CFAP61: variants seen among roughly 807,000 people sequenced by gnomAD.
CFAP61 encodes the protein cilia- and flagella-associated protein 61.
In CFAP61, 107 loss-of-function variants were observed where a neutral mutation model predicts 135.6. That is an observed-to-expected ratio of 0.79 (90% confidence interval 0.67 to 0.93). CFAP61 has a LOEUF of 0.93. CFAP61 is among the 40% of genes least tolerant of loss of function. CFAP61 has a pLI of 0.00. For missense variants in CFAP61, 1,507 were observed against 1,556.2 expected (o/e 0.97, Z 0.53); for synonymous variants, 575 against 578.5 (o/e 0.99, Z 0.09).
chr20:20,187,042 T>C lies in CFAP61; in HGVS notation c.1386-888T>C, dbSNP rs2055553540. ...TTGCAACCTCTGCACCAGGATGCACTGAACACCTGGGTGGGGGATGGGTAG... is the reference window on the plus strand; with the variant it reads ...TTGCAACCTCTGCACCAGGATGCACCGAACACCTGGGTGGGGGATGGGTAG... On this transcript the variant is annotated intron_variant, in intron 13 of 26. Transcript: ENST00000245957. Among the ~76,000 whole-genome samples, 3 of 152,170 alleles carry C rather than the reference T, an allele frequency of 2.0e-5. 1 individual carries two copies. The South Asian group carries it at 6.2e-4, about 32-fold the overall frequency.
At chr20:20,358,650 G>A (rs921845897) in intron 26 of CFAP61, among the ~76,000 whole-genome samples, 1 of 152,132 alleles carries the variant, frequency 6.6e-6, no homozygotes, top group African/African-American at 2.4e-5. Context: ...TGCCTTTATT[G>A]CTCTAGTTTA....
intron 12 of CFAP61, among the ~76,000 whole-genome samples, chr20:20,168,287 T>A (rs2053976445): frequency 6.6e-6 from 1 of 152,134 alleles, no homozygotes; most frequent in Non-Finnish European, 1.5e-5. Flanking sequence ...GGGCTCGAAC[T>A]CCTGGGCTCA....
At chr20:20,135,212 C>A (rs1228363119) in intron 8 of CFAP61, among the ~76,000 whole-genome samples, 2 of 152,166 alleles carry the variant, frequency 1.3e-5, no homozygotes, top group East Asian at 3.8e-4. Flanking sequence ...AACAGATTCT[C>A]CCCTAGAGCC....
chr20:20,245,404 A>AGCAGGCAAAGAGAGAGCTTGT (rs2050369367), intron 18 of CFAP61, among the ~76,000 whole-genome samples: 2 of 152,224 alleles, frequency 1.3e-5, no homozygotes, highest in Admixed American at 6.5e-5. Flanking sequence ...TATGGATGGC[A>AGCAGGCAAAGAGAGAGCTTGT]GCAGGCAAAG....
chr20:20,154,686 C>T (rs1346243964), intron 9 of CFAP61, among the ~76,000 whole-genome samples: 1 of 150,576 alleles, frequency 6.6e-6, no homozygotes, highest in African/African-American at 2.4e-5. Context: ...CTTAAAAAAA[C>T]AAACAAAAAA....
intron 18 of CFAP61, among the ~76,000 whole-genome samples, chr20:20,242,190 G>T (rs2050061914): frequency 6.6e-6 from 1 of 152,224 alleles, no homozygotes; most frequent in Non-Finnish European, 1.5e-5. Context: ...CTTCTCATGG[G>T]AAAGGAGGGC....
chr20:20,113,258 A>G (rs1384960978), intron 8 of CFAP61, among the ~76,000 whole-genome samples: 1 of 152,182 alleles, frequency 6.6e-6, no homozygotes, highest in Non-Finnish European at 1.5e-5. Flanking sequence ...AAAATTTCCC[A>G]GTTCACTGTG....
At chr20:20,278,761 A>T (rs1186494076) in intron 22 of CFAP61, among the ~76,000 whole-genome samples, 1 of 152,172 alleles carries the variant, frequency 6.6e-6, no homozygotes, top group African/African-American at 2.4e-5. Flanking sequence ...AAAAAGACTA[A>T]AAAGGAAGAT....
At chr20:20,097,505 C>T (rs903007343) in intron 7 of CFAP61, among the ~76,000 whole-genome samples, 5 of 152,194 alleles carry the variant, frequency 3.3e-5, no homozygotes, top group African/African-American at 1.2e-4. Flanking sequence ...GTTTCAGTCA[C>T]AGCCGTCTCT....
intron 8 of CFAP61, among the ~76,000 whole-genome samples, chr20:20,136,237 T>C (rs2050912650): frequency 6.6e-6 from 1 of 152,182 alleles, no homozygotes; most frequent in South Asian, 2.1e-4. Flanking sequence ...TAAATCTACT[T>C]GGTGTTTATA....
At chr20:20,285,617 T>G (rs2054524256) in intron 22 of CFAP61, among the ~76,000 whole-genome samples, 1 of 152,036 alleles carries the variant, frequency 6.6e-6, no homozygotes, top group Non-Finnish European at 1.5e-5. Flanking sequence ...CACCCTTTTA[T>G]AAAAAACCTC....
chr20:20,082,436 C>T (rs1179445725), intron 6 of CFAP61, among the ~76,000 whole-genome samples: 1 of 152,186 alleles, frequency 6.6e-6, no homozygotes, highest in Non-Finnish European at 1.5e-5. Context: ...CTGTACTTTT[C>T]ATACTATCTG....
intron 8 of CFAP61, among the ~76,000 whole-genome samples, chr20:20,132,221 A>T (rs1439497982): frequency 2.0e-5 from 3 of 152,002 alleles, no homozygotes; most frequent in Non-Finnish European, 2.9e-5. Flanking sequence ...GTGTCTTCAA[A>T]TTTCATCCAT....
At chr20:20,074,420 TGTGTGGATAGTTTTGAA>T (rs2045924486) in intron 4 of CFAP61, 42 bp downstream of exon 4, 1 of 1,504,094 alleles carries the variant, frequency 6.6e-7, no homozygotes. Flanking sequence ...TGAAAGAGAC[TGTGTGGATAGTTTTGAA>T]ATATTTTTTA....
intron 15 of CFAP61, 133 bp downstream of exon 15, chr20:20,191,552 A>G: frequency 8.4e-6 from 5 of 594,420 alleles, no homozygotes; most frequent in Non-Finnish European, 1.2e-5. Context: ...GGATATCATC[A>G]TCATCTGCCT....
intron 25 of CFAP61, among the ~76,000 whole-genome samples, chr20:20,325,755 T>C (rs1440756719): frequency 6.6e-6 from 1 of 152,206 alleles, no homozygotes; most frequent in Non-Finnish European, 1.5e-5. Context: ...GATGATGTGG[T>C]AAGAGTGTTT....
At chr20:20,083,998 A>T (rs554976850) in intron 6 of CFAP61, among the ~76,000 whole-genome samples, 1 of 152,154 alleles carries the variant, frequency 6.6e-6, no homozygotes, top group African/African-American at 2.4e-5. Flanking sequence ...AAAGAAGACC[A>T]CTAGAGGTCA....
chr20:20,255,296 C>G (rs534751217), intron 20 of CFAP61, among the ~76,000 whole-genome samples: 3 of 152,296 alleles, frequency 2.0e-5, no homozygotes. Context: ...ATGCCTTCCC[C>G]AGGCCTGGAT....
rs138949297 is a variant in CFAP61 at position 20,143,070 on chromosome 20, A to C, written c.951+122A>C. The C allele has an allele frequency of 6.4e-6, 4 of 621,236 alleles. No homozygotes were observed. In the African/African-American group the frequency reaches 7.5e-5, roughly 12 times the overall value. The allele number at this position is 621,236 out of a possible 1,614,324, so 38.5% of individuals were successfully genotyped here. The stretch of plus-strand genomic sequence containing the variant: ...GAAGTTCTAATGCCTGATGCAGAAA[A>C]GGCCTCACTAGCAGTAAGCACACCG... On this transcript the variant is annotated intron_variant, in intron 9 of 26. Coordinates refer to ENST00000245957, the MANE Select transcript of CFAP61 (RefSeq NM_015585.4).
Sources: gnomAD v4.1 joint callset for allele counts (sites outside exome capture counted in the v4.1 genomes callset) on GRCh38, gnomAD v4.1.1 for gene constraint, MANE v1.5 for transcripts, NCBI Gene and HGNC (gene_info 2026-07-23, HGNC 2026-07-21) for gene names.